Variants in TDRD7 observed in about 807,000 individuals in gnomAD.
TDRD7 encodes the protein tudor domain-containing protein 7.
In TDRD7, 47 loss-of-function variants were observed where a neutral mutation model predicts 109.8. The observed-to-expected ratio is 0.43, with a 90% CI of 0.34 to 0.55. TDRD7 has a LOEUF of 0.55. Ranked by LOEUF, TDRD7 falls within the 20% of genes least tolerant of loss-of-function variation. The pLI is 0.03. For missense variants in TDRD7, 1,164 were observed against 1,319.2 expected (o/e 0.88, Z 1.82); for synonymous variants, 424 against 457.3 (o/e 0.93, Z 0.93).
intron 6 of TDRD7, among the ~76,000 whole-genome samples, chr9:97,454,324 C>T (rs541716324): frequency 1.3e-5 from 2 of 152,106 alleles, no homozygotes; most frequent in African/African-American, 4.8e-5. Flanking sequence ...ACTAAAAATA[C>T]AAAAAATTAG....
At chr9:97,465,687 G>A (rs1040770361) in intron 8 of TDRD7, among the ~76,000 whole-genome samples, 1 of 152,102 alleles carries the variant, frequency 6.6e-6, no homozygotes, top group African/African-American at 2.4e-5. Context: ...TATTAGCTCC[G>A]TGTGCTGTGT....
Position 97,441,852 on chromosome 9 carries a change from G to T in TDRD7, c.832G>T (p.Glu278Ter). 6.2e-7 allele frequency: 1 copy of T among 1,613,688 alleles called. No homozygotes were observed. The highest frequency in any genetic ancestry group is 1.1e-5 in the South Asian group (1 of 91,044). Residue 278 changes from glutamate to a stop codon, truncating the protein, a stop_gained, in exon 6 of 17, where the codon GAA (glutamate) becomes TAA (stop). Transcript: ENST00000355295. LOFTEE classifies it high-confidence loss of function. The part of the protein sequence containing the change: ...DLNQGILQQF[E>*]HWPHICTVEK... ...TAATCAAGGAATTTTACAACAGTTTGAACACTGGCCTCATATTTGCACGGT... is the reference window on the plus strand; with the variant it reads ...TAATCAAGGAATTTTACAACAGTTTTAACACTGGCCTCATATTTGCACGGT...
rs529779700 is a variant in TDRD7 at position 97,421,673 on chromosome 9, A to G, written c.-6-6787A>G. ...CAGCCTCTCAGGTAGCTGGGACTAC[A>G]GGCACGTGCGACTATGCCCAGCTTT... On this transcript the variant is annotated intron_variant, in intron 1 of 16. Coordinates refer to ENST00000355295, the MANE Select transcript of TDRD7 (RefSeq NM_014290.3). Among the ~76,000 whole-genome samples, 26 of 151,678 alleles carry G rather than the reference A, an allele frequency of 1.7e-4. No individual in the cohort carries two copies. The South Asian group carries it at 5.4e-3, about 32-fold the overall frequency.
At chr9:97,432,746 G>A (rs1288601980) in intron 4 of TDRD7, among the ~76,000 whole-genome samples, 2 of 152,036 alleles carry the variant, frequency 1.3e-5, no homozygotes, top group East Asian at 3.9e-4. Context: ...TTGGGTCTGT[G>A]GTTTGTTCAT....
chr9:97,490,683 A>G (rs1028567914), intron 16 of TDRD7, among the ~76,000 whole-genome samples: 1 of 147,640 alleles, frequency 6.8e-6, no homozygotes, highest in African/African-American at 2.5e-5. Context: ...TCCTTCTAGA[A>G]TTCTTATTAT....
Position 97,460,727 on chromosome 9 carries a change from GTGGT to G in TDRD7, c.1408_1411del (p.Val470AsnfsTer2), listed in dbSNP as rs763509024. The G allele has an allele frequency of 1.9e-6, 3 of 1,614,128 alleles. No individual in the cohort carries two copies. The highest frequency in any genetic ancestry group is 3.3e-5 in the Admixed American group (2 of 60,026). On this transcript the variant is annotated frameshift_variant, in exon 7 of 17. Transcript: ENST00000355295. LOFTEE classifies it high-confidence loss of function. ...AACTGAAGCATCACCATCTGTATTG[GTGGT>G]TGAACTGAGCAACACAAATGAAGTG...
chr9:97,468,662 A>G (rs1303607924), intron 8 of TDRD7, among the ~76,000 whole-genome samples: 2 of 152,166 alleles, frequency 1.3e-5, no homozygotes, highest in Non-Finnish European at 2.9e-5. Context: ...ATCCTTGGTG[A>G]GTAGGAGAAA....
chr9:97,482,282 A>T (rs1223011169), intron 14 of TDRD7, among the ~76,000 whole-genome samples: 1 of 152,094 alleles, frequency 6.6e-6, no homozygotes, highest in Admixed American at 6.5e-5. Context: ...GTAATTGGCG[A>T]TGGGGAAAGG....
rs1221573038 is a variant in TDRD7 at position 97,422,213 on chromosome 9, C to A, written c.-6-6247C>A. Among the ~76,000 whole-genome samples, 5 of 152,062 alleles carry A rather than the reference C, an allele frequency of 3.3e-5. No individual in the cohort carries two copies. The South Asian group carries it at 1.0e-3, about 32-fold the overall frequency. ...TTTGAGACCAGCCTAGCCAACATGG[C>A]AAAACCCTGTCTCTACTAAAAATAC... On this transcript the variant is annotated intron_variant, in intron 1 of 16. Coordinates refer to ENST00000355295, the MANE Select transcript of TDRD7 (RefSeq NM_014290.3).
At chr9:97,433,645 T>G (rs966510516) in intron 4 of TDRD7, among the ~76,000 whole-genome samples, 1 of 151,970 alleles carries the variant, frequency 6.6e-6, no homozygotes, top group East Asian at 1.9e-4. Flanking sequence ...ATTCAAAATA[T>G]AGAGAACTCA....
intron 14 of TDRD7, 79 bp downstream of exon 14, chr9:97,481,017 AT>A: frequency 8.3e-7 from 1 of 1,210,434 alleles, no homozygotes; most frequent in Non-Finnish European, 1.2e-6. Flanking sequence ...TTGTGAAGGA[AT>A]TTTATCTCAC....
In TDRD7 at chr9:97,412,892, C is replaced by G. The variant is rs913686189; in HGVS notation, c.-7+654C>G. ...GTAGCATCCCCTCAGCAGGGTCAGA[C>G]TCTCAGCTTCAGCTTGCTAGGAGGG... On this transcript the variant is annotated intron_variant, in intron 1 of 16. Coordinates refer to ENST00000355295, the MANE Select transcript of TDRD7 (RefSeq NM_014290.3). This position sits in a 1 kb window ranked among gnomAD's most constrained non-coding sequence, Gnocchi z 4.3. Among the ~76,000 whole-genome samples the G allele has an allele frequency of 6.6e-6, 1 of 152,156 alleles. No homozygotes were observed. Among genetic ancestry groups the G allele is most frequent in the African/African-American group, 2.4e-5 (1 of 41,440 alleles).
chr9:97,425,409 A>G (rs561720843), intron 1 of TDRD7, among the ~76,000 whole-genome samples: 2 of 152,266 alleles, frequency 1.3e-5, no homozygotes, highest in African/African-American at 4.8e-5. Context: ...ATTGTGTTAA[A>G]ATTGCCTACA....
At position 97,483,296 on chromosome 9, in the gene TDRD7, G is replaced by A. The variant is rs1018354683; in HGVS notation, c.2860G>A (p.Glu954Lys). The A allele has an allele frequency of 6.2e-7, 1 of 1,614,154 alleles. No homozygotes were observed. Among genetic ancestry groups the A allele is most frequent in the South Asian group, 1.1e-5 (1 of 91,084 alleles). Residue 954 changes from glutamate (E) to lysine (K), a missense_variant, in exon 15 of 17, where the codon GAG (glutamate) becomes AAG (lysine). By Grantham distance (56) the Glu-to-Lys change is moderately conservative (BLOSUM62 1). Transcript: ENST00000355295. ...GATTCTATATTACAGCGTGTCTGAAGAGCGCCACATAGCAGTGGAGAAAGA... is the reference window on the plus strand; with the variant it reads ...GATTCTATATTACAGCGTGTCTGAAAAGCGCCACATAGCAGTGGAGAAAGA... ...EMILYYSVSE[E>K]RHIAVEKDQV... is the part of the protein sequence containing the mutation.
chr9:97,439,787 A>G (rs563497592), intron 5 of TDRD7, among the ~76,000 whole-genome samples: 1 of 152,366 alleles, frequency 6.6e-6, no homozygotes, highest in East Asian at 1.9e-4. Context: ...CTAAATATGA[A>G]TATAAATAAT....
chr9:97,450,421 C>G (rs1389995236), intron 6 of TDRD7, among the ~76,000 whole-genome samples: 1 of 152,074 alleles, frequency 6.6e-6, no homozygotes, highest in Non-Finnish European at 1.5e-5. Context: ...TAAAAGTTCC[C>G]TTTTGAGAGA....
At chr9:97,416,829 A>T (rs1385720965) in intron 1 of TDRD7, among the ~76,000 whole-genome samples, 1 of 152,140 alleles carries the variant, frequency 6.6e-6, no homozygotes, top group Non-Finnish European at 1.5e-5. Flanking sequence ...ACAAATATTT[A>T]TTGAGCTCTC....
At chr9:97,416,827 T>G (rs570851859) in intron 1 of TDRD7, among the ~76,000 whole-genome samples, 13 of 152,230 alleles carry the variant, frequency 8.5e-5, no homozygotes, top group African/African-American at 2.4e-4. Context: ...CAACAAATAT[T>G]TATTGAGCTC....
chr9:97,494,583 A>G (rs1829362529), intron 16 of TDRD7, among the ~76,000 whole-genome samples: 1 of 152,028 alleles, frequency 6.6e-6, no homozygotes, highest in African/African-American at 2.4e-5. Flanking sequence ...AAGTCTTCCA[A>G]AATTATGTCT....
Sources: allele counts gnomAD v4.1 joint callset (sites outside exome capture counted in the v4.1 genomes callset), GRCh38; gene constraint gnomAD v4.1.1; non-coding constraint Gnocchi (gnomAD v3.1); transcripts MANE v1.5; gene names NCBI Gene and HGNC (gene_info 2026-07-23, HGNC 2026-07-21).